Variants in SOX5 observed in about 807,000 individuals in gnomAD.
SOX5 encodes the protein transcription factor SOX-5.
Under a neutral mutation model 92.0 loss-of-function variants are expected in SOX5, and 9 were observed. That is an observed-to-expected ratio of 0.10 (90% confidence interval 0.06 to 0.17). The LOEUF (loss-of-function observed/expected upper bound fraction) is 0.17. SOX5 is among the 10% of genes least tolerant of loss of function. The probability of loss-of-function intolerance (pLI) is 1.00; values close to 1 mark genes in which losing one functional copy is unlikely to be tolerated. For missense variants in SOX5, 642 were observed against 944.5 expected, an observed-to-expected ratio of 0.68 and a Z score of 4.20; for synonymous variants, 344 against 336.3, an observed-to-expected ratio of 1.02 and a Z score of -0.25.
chr12:24,090,751 C>T (rs1307193692), intron 4 of SOX5, among the ~76,000 whole-genome samples: 1 of 152,102 alleles, frequency 6.6e-6, no homozygotes, highest in Non-Finnish European at 1.5e-5. Flanking sequence ...TAATTGATGA[C>T]ACAATGTAGG....
At chr12:23,838,034 T>C (rs2096454959) in intron 3 of SOX5, among the ~76,000 whole-genome samples, 1 of 119,350 alleles carries the variant, frequency 8.4e-6, no homozygotes, top group South Asian at 2.5e-4. Context: ...TACATTTATA[T>C]ATTTTTATAT....
chr12:23,922,976 C>T (rs1938806083), intron 1 of SOX5, among the ~76,000 whole-genome samples: 1 of 150,560 alleles, frequency 6.6e-6, no homozygotes, highest in African/African-American at 2.4e-5. Context: ...GACGGAGTCT[C>T]ACTGTGTCAC....
At chr12:24,529,815 C>G (rs961443593) in intron 1 of SOX5, among the ~76,000 whole-genome samples, 2 of 152,008 alleles carry the variant, frequency 1.3e-5, no homozygotes, top group Non-Finnish European at 2.9e-5. Flanking sequence ...GTCAGGAGAT[C>G]GAGATCATCC....
chr12:24,484,515 A>G lies in SOX5; in HGVS notation c.-251+77814T>C, dbSNP rs1946321365. On this transcript the variant is annotated intron_variant, in intron 1 of 4. Coordinates refer to the SOX5 transcript ENST00000446891. The stretch of plus-strand genomic sequence containing the variant: ...ATAAATCACAGCTGAACACCTTCAG[A>G]CCTTTGGACTATGGTGGGCCTATGT... Among the ~76,000 whole-genome samples, 7 of 152,150 alleles carry G rather than the reference A, an allele frequency of 4.6e-5. No individual in the cohort carries two copies. The South Asian group carries it at 1.5e-3, about 32-fold the overall frequency.
chr12:24,453,620 T>G (rs1364511681), intron 1 of SOX5, among the ~76,000 whole-genome samples: 1 of 152,224 alleles, frequency 6.6e-6, no homozygotes, highest in East Asian at 1.9e-4. Context: ...CTAACAGAAA[T>G]GATGGCTTGA....
At chr12:24,013,232 C>T (rs1392079543) in intron 4 of SOX5, among the ~76,000 whole-genome samples, 1 of 152,096 alleles carries the variant, frequency 6.6e-6, no homozygotes, top group Non-Finnish European at 1.5e-5. Flanking sequence ...AATAAGTGCA[C>T]ATTAGAGCTC....
chr12:23,870,059 G>A (rs1361147666), intron 2 of SOX5, among the ~76,000 whole-genome samples: 5 of 152,068 alleles, frequency 3.3e-5, no homozygotes, highest in Non-Finnish European at 4.4e-5. Context: ...AAACATTTAA[G>A]ATTTAGATAA....
chr12:23,860,199 G>C (rs1019805108), intron 2 of SOX5, among the ~76,000 whole-genome samples: 4 of 151,830 alleles, frequency 2.6e-5, no homozygotes, highest in Non-Finnish European at 4.4e-5. Flanking sequence ...ATTGGGAACT[G>C]AGCTTAATAC....
chr12:24,536,562 AT>A (rs1951660354), intron 1 of SOX5, among the ~76,000 whole-genome samples: 5 of 152,168 alleles, frequency 3.3e-5, no homozygotes. Flanking sequence ...CTATTTTTTC[AT>A]ACAGTTTAGA....
intron 2 of SOX5, among the ~76,000 whole-genome samples, chr12:24,308,449 T>C (rs1948834357): frequency 6.6e-6 from 1 of 152,182 alleles, no homozygotes; most frequent in Non-Finnish European, 1.5e-5. Flanking sequence ...TCACTGCCGC[T>C]CTAAAACTTG....
intron 4 of SOX5, among the ~76,000 whole-genome samples, chr12:24,106,190 G>GA (rs11360931): frequency 1.9e-3 from 230 of 117,968 alleles, no homozygotes; most frequent in East Asian, 4.0e-3. Context: ...CTGGTAATTA[G>GA]AAAAAAAAAA....
intron 3 of SOX5, among the ~76,000 whole-genome samples, chr12:23,820,345 T>G (rs554081092): frequency 6.6e-6 from 1 of 152,326 alleles, no homozygotes; most frequent in African/African-American, 2.4e-5. Flanking sequence ...ATGGATAGAT[T>G]GCAAAAATTT....
chr12:24,280,441 ATT>A (rs1382503478), intron 2 of SOX5, among the ~76,000 whole-genome samples: 1 of 152,220 alleles, frequency 6.6e-6, no homozygotes, highest in Non-Finnish European at 1.5e-5. Context: ...ATTATATAAA[ATT>A]TTAAGTGGAT....
intron 2 of SOX5, among the ~76,000 whole-genome samples, chr12:23,860,968 A>AAC (rs764666353): frequency 0.06 from 7,612 of 125,864 alleles, 1,029 homozygotes; most frequent in East Asian, 0.53. Context: ...AAAAAAAAAA[A>AAC]AAAAAAAAAA....
chr12:23,566,696 T>C (rs118066171), intron 10 of SOX5, among the ~76,000 whole-genome samples: 10,895 of 152,304 alleles, frequency 0.072, 555 homozygotes, highest in South Asian at 0.11. Context: ...TTCGGTTAAA[T>C]AGGGATAACA....
Position 23,728,223 on chromosome 12 carries a change from T to C in SOX5, c.810+6461A>G, listed in dbSNP as rs11047067. Among the ~76,000 whole-genome samples, 1,025 of 152,278 alleles carry C rather than the reference T, an allele frequency of 6.7e-3. 18 individuals are homozygous for C. Among genetic ancestry groups the C allele is most frequent in the African/African-American group, 0.024 (993 of 41,568 alleles). On this transcript the variant is annotated intron_variant, in intron 6 of 14. Transcript: ENST00000451604. ...CCATATTTCCTCCTCTAATAATCTA[T>C]CTGAATGCCAGGAAATTGTATCCTG...
At chr12:23,715,288 A>G (rs2092406542) in intron 6 of SOX5, among the ~76,000 whole-genome samples, 1 of 149,814 alleles carries the variant, frequency 6.7e-6, no homozygotes, top group Non-Finnish European at 1.5e-5. Context: ...GAAAGACTCC[A>G]TCTCAAAATA....
At chr12:24,074,380 A>C (rs934429110) in intron 4 of SOX5, among the ~76,000 whole-genome samples, 1 of 148,718 alleles carries the variant, frequency 6.7e-6, no homozygotes, top group Non-Finnish European at 1.5e-5. Flanking sequence ...TTAACTCAGG[A>C]AAAAAAAAAC....
At chr12:24,215,608 A>T (rs1959106818) in intron 3 of SOX5, among the ~76,000 whole-genome samples, 1 of 152,178 alleles carries the variant, frequency 6.6e-6, no homozygotes. Flanking sequence ...AGAATATCTA[A>T]AAAATGAAAA....
Sources: gnomAD v4.1 joint callset for allele counts (sites outside exome capture counted in the v4.1 genomes callset) on GRCh38, gnomAD v4.1.1 for gene constraint, MANE v1.5 for transcripts, NCBI Gene and HGNC (gene_info 2026-07-23, HGNC 2026-07-21) for gene names.